SORCS1: variants seen among roughly 807,000 people sequenced by gnomAD.
SORCS1 encodes the protein VPS10 domain-containing receptor SorCS1.
In SORCS1, 60 loss-of-function variants were observed where a neutral mutation model predicts 146.1. That is an observed-to-expected ratio of 0.41 (90% CI 0.33 to 0.51). The LOEUF is 0.51. Ranked by LOEUF, SORCS1 falls within the 20% of genes least tolerant of loss-of-function variation. SORCS1 has a pLI of 0.21. For synonymous variants in SORCS1, 637 were observed against 584.0 expected, an observed-to-expected ratio of 1.09 and a Z score of -1.31; for missense variants, 1,352 against 1,487.6, an observed-to-expected ratio of 0.91 and a Z score of 1.50.
Position 107,060,824 on chromosome 10 carries a change from G to A in SORCS1, c.558+103145C>T, listed in dbSNP as rs958807324. Among the ~76,000 whole-genome samples, 6 of 152,026 alleles carry A rather than the reference G, an allele frequency of 3.9e-5. No homozygotes were observed. Among genetic ancestry groups the A allele is most frequent in the African/African-American group, 1.4e-4 (6 of 41,398 alleles). ...TTCTTTTCAATGAGATTTTTAAGGA[G>A]CTTTAAAAAATCATATTTTAGTTAA... On this transcript the variant is annotated intron_variant, in intron 1 of 25. Transcript: ENST00000263054. The surrounding 1 kb of genome is among the most constrained non-coding windows in gnomAD (Gnocchi z 4.1).
chr10:106,689,679 A>T (rs1853148557), intron 9 of SORCS1, among the ~76,000 whole-genome samples: 1 of 152,186 alleles, frequency 6.6e-6, no homozygotes, highest in Non-Finnish European at 1.5e-5. Flanking sequence ...ACAAACCTGC[A>T]CCTGCAGCTT....
rs191655767 is a variant in SORCS1 at position 106,803,878 on chromosome 10, G to A, written c.726+25696C>T. Reference sequence around the variant, plus strand: ...TCCCATTACAGTTGATTTCTGCAAGGACATTTTTCATATCAGAATCTCTAA... The same window carrying A: ...TCCCATTACAGTTGATTTCTGCAAGAACATTTTTCATATCAGAATCTCTAA... On this transcript the variant is annotated intron_variant, in intron 3 of 25. Transcript: ENST00000263054. 5.9e-5 allele frequency among the ~76,000 whole-genome samples: 9 copies of A among 152,276 alleles called. No individual in the cohort carries two copies. The East Asian group carries it at 1.7e-3, about 29-fold the overall frequency.
intron 18 of SORCS1, among the ~76,000 whole-genome samples, chr10:106,649,067 T>C (rs1480975052): frequency 6.6e-6 from 1 of 152,138 alleles, no homozygotes; most frequent in East Asian, 1.9e-4. Context: ...CTCCATCTGC[T>C]GAGAGCTACC....
chr10:106,964,642 A>G (rs1955414393), intron 1 of SORCS1, among the ~76,000 whole-genome samples: 1 of 152,014 alleles, frequency 6.6e-6, no homozygotes, highest in South Asian at 2.1e-4. Context: ...GCGTGCCACC[A>G]CACCTGGCAA....
chr10:106,580,175 G>A (rs1844818705), intron 24 of SORCS1, among the ~76,000 whole-genome samples: 1 of 152,148 alleles, frequency 6.6e-6, no homozygotes, highest in East Asian at 1.9e-4. Context: ...ACAGGAAACT[G>A]ATGGCCAAGT....
At chr10:106,632,258 C>T (rs1848482735) in intron 18 of SORCS1, among the ~76,000 whole-genome samples, 1 of 152,154 alleles carries the variant, frequency 6.6e-6, no homozygotes, top group South Asian at 2.1e-4. Flanking sequence ...GTCAAGGGGC[C>T]ATGTATGACA....
intron 6 of SORCS1, among the ~76,000 whole-genome samples, chr10:106,727,419 T>G (rs1856282684): frequency 1.3e-5 from 2 of 152,200 alleles, no homozygotes; most frequent in Non-Finnish European, 2.9e-5. Flanking sequence ...ACAGTTGTGT[T>G]CACAGTGCAC....
At chr10:106,810,702 C>T (rs1425147907) in intron 3 of SORCS1, among the ~76,000 whole-genome samples, 2 of 152,208 alleles carry the variant, frequency 1.3e-5, no homozygotes, top group Non-Finnish European at 2.9e-5. Flanking sequence ...CCAGTCCCTA[C>T]TTCAATTCCT....
chr10:106,623,243 CTTTT>C (rs200567639), intron 19 of SORCS1, among the ~76,000 whole-genome samples: 2 of 135,924 alleles, frequency 1.5e-5, no homozygotes, highest in Non-Finnish European at 1.6e-5. Context: ...CATATGTGAG[CTTTT>C]TTTTTTTTTT....
chr10:106,635,786 G>A (rs1291956863), intron 18 of SORCS1, among the ~76,000 whole-genome samples: 5 of 152,104 alleles, frequency 3.3e-5, no homozygotes, highest in Non-Finnish European at 7.4e-5. Context: ...TTATTTTTGT[G>A]TTATTTTGAC....
intron 22 of SORCS1, among the ~76,000 whole-genome samples, chr10:106,609,907 G>A (rs1426147130): frequency 6.6e-6 from 1 of 152,186 alleles, no homozygotes; most frequent in Non-Finnish European, 1.5e-5. Context: ...GAGGACCTAT[G>A]GGGACACAGG....
intron 2 of SORCS1, among the ~76,000 whole-genome samples, chr10:106,866,399 G>A (rs1159420797): frequency 1.3e-5 from 2 of 152,196 alleles, no homozygotes; most frequent in African/African-American, 4.8e-5. Flanking sequence ...TACACTGAGC[G>A]ACTGCTGACC....
chr10:106,975,004 CAGTT>C (rs1955934108), intron 1 of SORCS1, among the ~76,000 whole-genome samples: 2 of 152,200 alleles, frequency 1.3e-5, no homozygotes, highest in Admixed American at 1.3e-4. Flanking sequence ...CAACTCCTGA[CAGTT>C]AGTGCAGGCT....
At chr10:107,039,126 G>A (rs981684932) in intron 1 of SORCS1, among the ~76,000 whole-genome samples, 10 of 151,750 alleles carry the variant, frequency 6.6e-5, no homozygotes, top group South Asian at 2.1e-4. Context: ...TCAGGAGATC[G>A]AGACCATCCT....
At chr10:106,782,619 T>C (rs1014336582) in intron 3 of SORCS1, among the ~76,000 whole-genome samples, 11 of 152,328 alleles carry the variant, frequency 7.2e-5, no homozygotes, top group African/African-American at 2.6e-4. Context: ...TTACAGTCCT[T>C]GGAAGATGAT....
chr10:106,720,050 A>T (rs1266408576), intron 6 of SORCS1, among the ~76,000 whole-genome samples: 3 of 152,310 alleles, frequency 2.0e-5, no homozygotes, highest in South Asian at 2.1e-4. Flanking sequence ...TTCTTCCTTG[A>T]TGGCCCTCTT....
chr10:106,777,803 C>T (rs1860566191), intron 3 of SORCS1, among the ~76,000 whole-genome samples: 1 of 152,148 alleles, frequency 6.6e-6, no homozygotes, highest in South Asian at 2.1e-4. Context: ...AAGTGTGCAC[C>T]TAATGTCTCC....
At chr10:106,879,007 G>A (rs921784507) in intron 2 of SORCS1, among the ~76,000 whole-genome samples, 7 of 151,786 alleles carry the variant, frequency 4.6e-5, no homozygotes, top group Non-Finnish European at 7.4e-5. Flanking sequence ...AAAAGTAGCC[G>A]GACATGGTGG....
intron 6 of SORCS1, among the ~76,000 whole-genome samples, chr10:106,728,402 C>T (rs1023218119): frequency 6.6e-6 from 1 of 152,134 alleles, no homozygotes; most frequent in African/African-American, 2.4e-5. Flanking sequence ...AGAGCGAGCC[C>T]CCTGAGGAGG....
Sources: allele counts gnomAD v4.1 joint callset (sites outside exome capture counted in the v4.1 genomes callset), GRCh38; gene constraint gnomAD v4.1.1; non-coding constraint Gnocchi (gnomAD v3.1); transcripts MANE v1.5; gene names NCBI Gene and HGNC (gene_info 2026-07-23, HGNC 2026-07-21).